Variants in EIF4ENIF1 observed in about 807,000 individuals in gnomAD.
EIF4ENIF1 encodes the protein eukaryotic translation initiation factor 4E nuclear import factor 1, also known as eukaryotic translation initiation factor 4E transporter.
A neutral mutation model predicts 110.5 loss-of-function variants in EIF4ENIF1; 23 were observed. The observed-to-expected ratio is 0.21, with a 90% confidence interval of 0.15 to 0.29. The LOEUF (loss-of-function observed/expected upper bound fraction) is 0.29, where lower values mean the gene tolerates loss of function less well. Ranked by LOEUF, EIF4ENIF1 falls within the 10% of genes least tolerant of loss-of-function variation. The pLI is 1.00. For missense variants in EIF4ENIF1, 1,031 were observed against 1,221.1 expected, an observed-to-expected ratio of 0.84 and a Z score of 2.32; for synonymous variants, 440 against 437.0, an observed-to-expected ratio of 1.01 and a Z score of -0.09.
intron 15 of EIF4ENIF1, 89 bp from the exon 16 acceptor site, chr22:31,443,183 A>C: frequency 2.0e-6 from 3 of 1,533,180 alleles, no homozygotes. Flanking sequence ...ATACTCAACA[A>C]AGAGTCCCCA....
At chr22:31,457,790 G>T (rs111864157) in intron 7 of EIF4ENIF1, among the ~76,000 whole-genome samples, 5 of 152,236 alleles carry the variant, frequency 3.3e-5, no homozygotes, top group African/African-American at 9.6e-5. Context: ...TCCACCTGTA[G>T]ATGCTCATAC....
At position 31,441,764 on chromosome 22, in the gene EIF4ENIF1, G is replaced by A; in HGVS notation, c.2551+10C>T. The A allele has an allele frequency of 1.2e-6, 2 of 1,601,642 alleles. No individual in the cohort carries two copies. Among genetic ancestry groups the A allele is most frequent in the Non-Finnish European group, 1.7e-6 (2 of 1,171,870 alleles). ...AAACTGACGACACCCAAGTCAGGCT[G>A]GAAACTCACCAGTTTGGAGCAAACT... On this transcript the variant is annotated intron_variant, in intron 17 of 18. Coordinates refer to ENST00000330125, the MANE Select transcript of EIF4ENIF1 (RefSeq NM_019843.4).
intron 2 of EIF4ENIF1, among the ~76,000 whole-genome samples, chr22:31,480,672 T>C (rs1016974213): frequency 9.2e-5 from 14 of 152,052 alleles, no homozygotes; most frequent in Middle Eastern, 3.2e-3. Flanking sequence ...GGAGAATCGC[T>C]TGAACCCGGG....
chr22:31,486,189 G>A (rs1480597863), intron 2 of EIF4ENIF1, among the ~76,000 whole-genome samples: 1 of 151,974 alleles, frequency 6.6e-6, no homozygotes, highest in African/African-American at 2.4e-5. Flanking sequence ...AGAATCACTT[G>A]AACCCCGGAG....
At position 31,454,144 on chromosome 22, in the gene EIF4ENIF1, G is replaced by A. The variant is rs748050907; in HGVS notation, c.1512C>T (p.Ser504=). 16 of 1,613,452 alleles carry A rather than the reference G, an allele frequency of 9.9e-6. No homozygotes were observed. In the Admixed American group the frequency reaches 1.5e-4, roughly 15 times the overall value. The change falls in exon 10 of 19, where the codon AGC becomes AGT. Residue 504 remains serine (S), a splice_region_variant and synonymous_variant. Coordinates refer to ENST00000330125, the MANE Select transcript of EIF4ENIF1 (RefSeq NM_019843.4). The part of the protein sequence containing the change: ...SGTLPSQPKV[S]RNLESHLMSP... ...TGGGGGGTTTGTGTCAGATACTTAC[G>A]CTGACTTTGGGCTGAGAAGGCAAAG...
chr22:31,452,342 T>C (rs1480728134), intron 10 of EIF4ENIF1, among the ~76,000 whole-genome samples: 2 of 152,230 alleles, frequency 1.3e-5, no homozygotes, highest in Admixed American at 1.3e-4. Flanking sequence ...TTGTATTCTT[T>C]CCTGCTAGCT....
chr22:31,463,977 C>T lies in EIF4ENIF1; in HGVS notation c.299-10G>A, dbSNP rs752680294. 18 of 1,605,836 alleles carry T rather than the reference C, an allele frequency of 1.1e-5. No homozygotes were observed. The highest frequency in any genetic ancestry group is 4.5e-5 in the East Asian group (2 of 44,794). On this transcript the variant is annotated splice_polypyrimidine_tract_variant and intron_variant, in intron 4 of 18. Coordinates refer to ENST00000330125, the MANE Select transcript of EIF4ENIF1 (RefSeq NM_019843.4). ...ACACGCTCTCGTGGATCTGGAAGGA[C>T]GTGGGAAAGACAAAGTTAAACAAAC...
At chr22:31,455,404 T>TC in intron 8 of EIF4ENIF1, 89 bp from the exon 9 acceptor site, 1 of 1,171,678 alleles carries the variant, frequency 8.5e-7, no homozygotes, top group Non-Finnish European at 1.1e-6. Context: ...TCTTTTTTTT[T>TC]TTTTTTTTCT....
chr22:31,452,451 T>C (rs2050702469), intron 10 of EIF4ENIF1, among the ~76,000 whole-genome samples: 1 of 152,234 alleles, frequency 6.6e-6, no homozygotes, highest in South Asian at 2.1e-4. Flanking sequence ...GATACACTTC[T>C]GAGTGCTAAA....
chr22:31,454,700 A>AACTCCTTAGGAGGCTGAGGCGTG (rs2050765223), intron 9 of EIF4ENIF1, among the ~76,000 whole-genome samples: 1 of 152,188 alleles, frequency 6.6e-6, no homozygotes, highest in Non-Finnish European at 1.5e-5. Context: ...TACCTGGGAC[A>AACTCCTTAGGAGGCTGAGGCGTG]AGAATCCCAG....
intron 16 of EIF4ENIF1, 137 bp downstream of exon 16, chr22:31,442,825 G>GAC (rs1238840462): frequency 8.5e-7 from 1 of 1,175,774 alleles, no homozygotes; most frequent in Non-Finnish European, 1.2e-6. Context: ...CCTTCTCACT[G>GAC]ACACAGAACC....
chr22:31,487,113 G>A (rs1241898127), intron 2 of EIF4ENIF1, among the ~76,000 whole-genome samples: 1 of 151,704 alleles, frequency 6.6e-6, no homozygotes, highest in Non-Finnish European at 1.5e-5. Context: ...CCCTTCATTT[G>A]ATGGCTTTTC....
chr22:31,463,979 T>G lies in EIF4ENIF1; in HGVS notation c.299-12A>C. ...ACGCTCTCGTGGATCTGGAAGGACG[T>G]GGGAAAGACAAAGTTAAACAAACCA... On this transcript the variant is annotated splice_polypyrimidine_tract_variant and intron_variant, in intron 4 of 18. Coordinates refer to ENST00000330125, the MANE Select transcript of EIF4ENIF1 (RefSeq NM_019843.4). The G allele has an allele frequency of 1.2e-6, 2 of 1,605,616 alleles. No homozygotes were observed. The highest frequency in any genetic ancestry group is 1.7e-6 in the Non-Finnish European group (2 of 1,177,262).
chr22:31,462,794 G>T, intron 6 of EIF4ENIF1, 138 bp downstream of exon 6: 2 of 796,832 alleles, frequency 2.5e-6, no homozygotes, highest in Non-Finnish European at 3.9e-6. Flanking sequence ...TGTTGGCCAG[G>T]CTGGTCTCAA....
chr22:31,437,036 TTAA>T (rs2145876554), downstream of EIF4ENIF1: 2 of 152,354 alleles, frequency 1.3e-5, no homozygotes, highest in South Asian at 4.1e-4. Context: ...CCCTTCCCTG[TTAA>T]TAGAGTCTGG....
intron 3 of EIF4ENIF1, 151 bp from the exon 4 acceptor site, chr22:31,468,453 G>T: frequency 9.1e-7 from 1 of 1,097,856 alleles, no homozygotes; most frequent in Non-Finnish European, 1.3e-6. Flanking sequence ...GGAGCGCAGT[G>T]GCGTGATCTC....
chr22:31,492,925 T>G (rs2052296802), upstream of EIF4ENIF1, among the ~76,000 whole-genome samples: 1 of 151,702 alleles, frequency 6.6e-6, no homozygotes, highest in African/African-American at 2.4e-5. Flanking sequence ...AGAGACAGGA[T>G]TTCACCATGT....
intron 12 of EIF4ENIF1, 123 bp downstream of exon 12, chr22:31,449,225 G>C (rs2050572730): frequency 1.0e-6 from 1 of 963,706 alleles, no homozygotes; most frequent in Non-Finnish European, 1.5e-6. Context: ...GGCCAGGCTG[G>C]TCTCAAACTT....
chr22:31,468,371 C>A, intron 3 of EIF4ENIF1, 69 bp from the exon 4 acceptor site: 1 of 1,595,664 alleles, frequency 6.3e-7, no homozygotes, highest in South Asian at 1.1e-5. Flanking sequence ...GATTTCTAAA[C>A]CTCCTCAGCT....
Sources: gnomAD v4.1 joint callset for allele counts (sites outside exome capture counted in the v4.1 genomes callset) on GRCh38, gnomAD v4.1.1 for gene constraint, MANE v1.5 for transcripts, NCBI Gene and HGNC (gene_info 2026-07-23, HGNC 2026-07-21) for gene names.